Variants in FANCA observed in about 807,000 individuals in gnomAD.
FANCA encodes Fanconi anemia group A protein.
FANCA carries 236 observed loss-of-function variants against 194.3 expected under a neutral mutation model. That is an observed-to-expected ratio of 1.21 (90% confidence interval 1.09 to 1.35). FANCA has a LOEUF of 1.35. FANCA is among the 40% of genes most tolerant of loss of function. The pLI is 0.00. For missense variants in FANCA, 2,628 were observed against 1,813.9 expected, an observed-to-expected ratio of 1.45 and a Z score of -8.15; for synonymous variants, 1,014 against 715.8, an observed-to-expected ratio of 1.42 and a Z score of -6.65.
Position 89,762,038 on chromosome 16 carries a change from A to T in FANCA, c.2779-16T>A, listed in dbSNP as rs1372319172. On this transcript the variant is annotated splice_polypyrimidine_tract_variant and intron_variant, in intron 28 of 42. Coordinates refer to ENST00000389301, the MANE Select transcript of FANCA (RefSeq NM_000135.4). ...GGTAAGTTAACTGAGAAAGAGAGCA[A>T]GCAATTCAATACAATGAGGACAGAA... 1 of 1,603,514 alleles carries T rather than the reference A, an allele frequency of 6.2e-7. No individual in the cohort carries two copies. The highest frequency in any genetic ancestry group is 8.5e-7 in the Non-Finnish European group (1 of 1,170,316).
intron 14 of FANCA, among the ~76,000 whole-genome samples, chr16:89,787,831 C>T (rs1389361107): frequency 5.3e-5 from 8 of 151,648 alleles, no homozygotes; most frequent in African/African-American, 1.7e-4. Flanking sequence ...CTCAAATTCA[C>T]GATCATTTGG....
intron 2 of FANCA, among the ~76,000 whole-genome samples, chr16:89,815,478 C>G (rs1041536100): frequency 6.6e-6 from 1 of 150,816 alleles, no homozygotes; most frequent in Admixed American, 6.7e-5. Flanking sequence ...GCCTCAGGCT[C>G]CCGAGTAGCT....
At chr16:89,781,363 C>CAAAAAAAAAA (rs775937692) in intron 17 of FANCA, among the ~76,000 whole-genome samples, 3 of 60,388 alleles carry the variant, frequency 5.0e-5, no homozygotes, top group African/African-American at 6.9e-5. Context: ...GACTCCATTC[C>CAAAAAAAAAA]AAAAAAAAAA....
rs1205813294 is a variant in FANCA at position 89,753,852 on chromosome 16, C to G, written c.2982-1630G>C. Among the ~76,000 whole-genome samples the G allele has an allele frequency of 2.0e-5, 3 of 152,084 alleles. No individual in the cohort carries two copies. The South Asian group carries it at 6.2e-4, about 32-fold the overall frequency. On this transcript the variant is annotated intron_variant, in intron 30 of 42. Coordinates refer to ENST00000389301, the MANE Select transcript of FANCA (RefSeq NM_000135.4). ...GGCAGATCATCTGAGGTCAGGAGAT[C>G]GAGACCATCCTGGCCAATGTGGCGA...
In FANCA at chr16:89,814,520, C is replaced by G; in HGVS notation, c.283G>C (p.Gly95Arg). ...AYANHSSSFI[G>R]SALQDQASRL... ...TAGAGAAAATGAAGCTATAACTTACCTATAAATGAACTAGAATGATTAGCA... is the reference window on the plus strand; with the variant it reads ...TAGAGAAAATGAAGCTATAACTTACGTATAAATGAACTAGAATGATTAGCA... The change falls in exon 3 of 43, where the codon GGC (glycine) becomes CGC (arginine). Residue 95 changes from glycine (G) to arginine (R), a missense_variant and splice_region_variant. Gly to Arg is a moderately radical substitution (Grantham distance 125). Coordinates refer to ENST00000389301, the MANE Select transcript of FANCA (RefSeq NM_000135.4). The G allele has an allele frequency of 6.2e-7, 1 of 1,603,034 alleles. No individual in the cohort carries two copies. The highest frequency in any genetic ancestry group is 2.2e-5 in the East Asian group (1 of 44,836).
chr16:89,741,140 C>T (rs1343206510), intron 37 of FANCA, among the ~76,000 whole-genome samples: 3 of 152,208 alleles, frequency 2.0e-5, no homozygotes, highest in Non-Finnish European at 4.4e-5. Context: ...GCTGCGGTCT[C>T]CTTGGCTGTG....
intron 14 of FANCA, among the ~76,000 whole-genome samples, chr16:89,788,474 C>T (rs1030774186): frequency 6.6e-6 from 1 of 151,868 alleles, no homozygotes; most frequent in East Asian, 1.9e-4. Flanking sequence ...GATGTTCAAA[C>T]ACTGAATATG....
In FANCA at chr16:89,752,214, CT is replaced by C; in HGVS notation, c.2989del (p.Ser997ValfsTer29). ...ATCAGAATTTTCTGAGTGGTCATAA[CT>C]CCTTGAGCTGAAATGAAAATACAAT... ...ALMDFHQSSR[S>X]YDHSENSDLV... is the part of the protein sequence containing the mutation. On this transcript the variant is annotated frameshift_variant, in exon 31 of 43. Transcript: ENST00000389301. LOFTEE classifies it high-confidence loss of function. 1 of 1,613,528 alleles carries C rather than the reference CT, an allele frequency of 6.2e-7. No individual in the cohort carries two copies. The highest frequency in any genetic ancestry group is 8.5e-7 in the Non-Finnish European group (1 of 1,179,500).
chr16:89,783,478 G>A (rs1196219262), intron 15 of FANCA, among the ~76,000 whole-genome samples: 2 of 151,498 alleles, frequency 1.3e-5, no homozygotes, highest in Non-Finnish European at 2.9e-5. Context: ...GGGAACCCAG[G>A]AGGCGGACCT....
At chr16:89,738,828 AG>A in intron 42 of FANCA, 53 bp downstream of exon 42, 1 of 1,614,142 alleles carries the variant, frequency 6.2e-7, no homozygotes, top group Non-Finnish European at 8.5e-7. Flanking sequence ...TGGCCCAGGC[AG>A]CTGTCAATTC....
intron 20 of FANCA, among the ~76,000 whole-genome samples, chr16:89,777,684 TACCAACCA>T (rs2039556384): frequency 6.6e-6 from 1 of 152,140 alleles, no homozygotes; most frequent in Non-Finnish European, 1.5e-5. Flanking sequence ...AGTTGGTTGA[TACCAACCA>T]ACTTTCTTAC....
At chr16:89,765,432 G>C (rs577344065) in intron 27 of FANCA, among the ~76,000 whole-genome samples, 1 of 152,236 alleles carries the variant, frequency 6.6e-6, no homozygotes, top group Non-Finnish European at 1.5e-5. Flanking sequence ...GCCCCTCAGC[G>C]ATCATGGCTG....
chr16:89,812,670 A>AAAAAAAAAAAAAAAAAAAG (rs1567655807), intron 3 of FANCA, among the ~76,000 whole-genome samples: 1 of 148,814 alleles, frequency 6.7e-6, no homozygotes, highest in Non-Finnish European at 1.5e-5. Flanking sequence ...AAAAAAAAAA[A>AAAAAAAAAAAAAAAAAAAG]CTGTTAACTG....
chr16:89,783,253 G>A, intron 15 of FANCA, 151 bp from the exon 16 acceptor site: 1 of 711,210 alleles, frequency 1.4e-6, no homozygotes, highest in Admixed American at 2.1e-5. Context: ...CAAACCATTA[G>A]TAAAATTAAA....
chr16:89,758,730 A>T (rs201129946), intron 29 of FANCA, 25 bp from the exon 30 acceptor site: 263 of 1,611,942 alleles, frequency 1.6e-4, no homozygotes, highest in Admixed American at 3.0e-4. Flanking sequence ...ACTGCTATCA[A>T]TTCTGAGAAA....
chr16:89,783,571 A>G (rs1360136374), intron 15 of FANCA, among the ~76,000 whole-genome samples: 2 of 151,790 alleles, frequency 1.3e-5, no homozygotes, highest in South Asian at 2.1e-4. Flanking sequence ...AACAACAAAA[A>G]AAAAACACAA....
At chr16:89,764,492 G>C (rs2039057445) in intron 28 of FANCA, among the ~76,000 whole-genome samples, 1 of 152,156 alleles carries the variant, frequency 6.6e-6, no homozygotes, top group Non-Finnish European at 1.5e-5. Context: ...TCTTTGTAGA[G>C]ATGGGGTTTC....
chr16:89,771,684 T>C lies in FANCA; in HGVS notation c.2145A>G (p.Glu715=), dbSNP rs1198609023. The change falls in exon 23 of 43, where the codon GAA becomes GAG. Residue 715 remains glutamate, a synonymous_variant. Transcript: ENST00000389301. ...TCTGAGCCCCTACACCTACCATGTG[T>C]TCCCGTGGCTCCAGTCTCGGCGTGT... is the stretch of plus-strand genomic sequence containing the variant. ...SINTPRLEPR[E]HMAVDLLLTS... The C allele has an allele frequency of 1.2e-6, 2 of 1,614,130 alleles. No individual in the cohort carries two copies. Among genetic ancestry groups the C allele is most frequent in the South Asian group, 2.2e-5 (2 of 91,080 alleles).
At chr16:89,784,194 C>G (rs1172032751) in intron 15 of FANCA, among the ~76,000 whole-genome samples, 1 of 152,010 alleles carries the variant, frequency 6.6e-6, no homozygotes, top group African/African-American at 2.4e-5. Flanking sequence ...AAGACCCCAT[C>G]TGTACTAAAA....
Sources: allele counts gnomAD v4.1 joint callset (sites outside exome capture counted in the v4.1 genomes callset), GRCh38; gene constraint gnomAD v4.1.1; transcripts MANE v1.5; gene names NCBI Gene and HGNC (gene_info 2026-07-23, HGNC 2026-07-21).